MYH15: variants seen among roughly 807,000 people sequenced by gnomAD.
MYH15 encodes myosin-15.
In MYH15, 227 loss-of-function variants were observed where a neutral mutation model predicts 240.5. The ratio of observed to expected loss-of-function variants is 0.94; its 90% CI spans 0.85 to 1.05. The LOEUF is 1.05. Among genes scored for constraint, MYH15 ranks in the 50% least tolerant of loss-of-function variants. MYH15 has a pLI of 0.00. For synonymous variants in MYH15, 785 were observed against 796.7 expected, an observed-to-expected ratio of 0.99 and a Z score of 0.25; for missense variants, 2,217 against 2,247.5, an observed-to-expected ratio of 0.99 and a Z score of 0.27.
rs747747782 is a variant in MYH15, at chr3:108,485,167, T to G, written c.1038A>C (p.Gly346=). 13 of 1,613,988 alleles carry G rather than the reference T, an allele frequency of 8.1e-6. No individual in the cohort carries two copies. The African/African-American group carries it at 1.6e-4, about 20-fold the overall frequency. ...TCATATTTCCAAAGTGCATGATGGCTCCAGTGAGTTTATAGCATCCATACT... is the reference window on the plus strand; with the variant it reads ...TCATATTTCCAAAGTGCATGATGGCGCCAGTGAGTTTATAGCATCCATACT... The part of the protein sequence containing the change: ...DEKYGCYKLT[G]AIMHFGNMKF... Residue 346 remains glycine (G), a synonymous_variant, in exon 11 of 41, where the codon GGA becomes GGC. Coordinates refer to ENST00000693548, the MANE Select transcript of MYH15 (RefSeq NM_014981.3).
intron 29 of MYH15, among the ~76,000 whole-genome samples, chr3:108,414,682 A>C (rs4855563): frequency 0.21 from 32,419 of 152,102 alleles, 4,343 homozygotes; most frequent in Non-Finnish European, 0.3. Flanking sequence ...GTGGACTTAG[A>C]CAGGCCTGGA....
chr3:108,435,710 ATG>A (rs61639245), intron 25 of MYH15, among the ~76,000 whole-genome samples: 10 of 143,324 alleles, frequency 7.0e-5, no homozygotes, highest in African/African-American at 2.4e-4. Context: ...ATATATATAT[ATG>A]TATGTATACA....
At chr3:108,444,305 A>G (rs2082909151) in intron 22 of MYH15, among the ~76,000 whole-genome samples, 1 of 152,064 alleles carries the variant, frequency 6.6e-6, no homozygotes, top group Non-Finnish European at 1.5e-5. Context: ...TTTTCTTGGG[A>G]CCTACTAAAA....
At chr3:108,512,917 C>A (rs2083532239), upstream of MYH15, among the ~76,000 whole-genome samples, 1 of 152,084 alleles carries the variant, frequency 6.6e-6, no homozygotes, top group Non-Finnish European at 1.5e-5. Context: ...TAACTGAAGC[C>A]AAGAGAATGA....
At chr3:108,426,094 A>G (rs2082722459) in intron 27 of MYH15, among the ~76,000 whole-genome samples, 1 of 152,190 alleles carries the variant, frequency 6.6e-6, no homozygotes, top group Non-Finnish European at 1.5e-5. Flanking sequence ...TTAAAACAAA[A>G]TATGAAGAGA....
the MYH15 span, chr3:108,543,327 T>G: frequency 6.6e-6 from 1 of 152,234 alleles, no homozygotes; most frequent in Non-Finnish European, 1.5e-5. Context: ...TGTGCATGTA[T>G]TTTTTATAAC....
chr3:108,429,614 A>G (rs971007934), intron 26 of MYH15, among the ~76,000 whole-genome samples: 3 of 152,210 alleles, frequency 2.0e-5, no homozygotes, highest in African/African-American at 7.2e-5. Flanking sequence ...TTACAGTACA[A>G]TGAAGCCACT....
intron 15 of MYH15, 95 bp from the exon 16 acceptor site, chr3:108,463,338 A>G (rs2083087316): frequency 2.4e-5 from 32 of 1,309,228 alleles, no homozygotes; most frequent in Non-Finnish European, 3.3e-5. Flanking sequence ...TTTTTGAGAC[A>G]GGGTCTCATT....
intron 33 of MYH15, among the ~76,000 whole-genome samples, chr3:108,403,423 G>A (rs1052037548): frequency 2.6e-5 from 4 of 151,630 alleles, no homozygotes; most frequent in African/African-American, 9.7e-5. Flanking sequence ...ACCTGATCTT[G>A]CCCTCAGGCA....
At chr3:108,511,444 G>C (rs1398418671), upstream of MYH15, among the ~76,000 whole-genome samples, 1 of 152,168 alleles carries the variant, frequency 6.6e-6, no homozygotes, top group Non-Finnish European at 1.5e-5. Context: ...ATCAGTCTTA[G>C]AGGGACTAAG....
chr3:108,467,653 C>T (rs987271454), intron 14 of MYH15, among the ~76,000 whole-genome samples: 1 of 152,144 alleles, frequency 6.6e-6, no homozygotes, highest in African/African-American at 2.4e-5. Flanking sequence ...AGGGTGTTTA[C>T]ACCAAATGAA....
At chr3:108,464,615 C>T (rs769057875) in intron 15 of MYH15, 23 bp downstream of exon 15, 2 of 1,573,990 alleles carry the variant, frequency 1.3e-6, no homozygotes, top group South Asian at 1.2e-5. Flanking sequence ...AAATTCAAGA[C>T]CGGGGGTCCA....
chr3:108,518,792 A>G (rs1431315663), intron 1 of MYH15, among the ~76,000 whole-genome samples: 1 of 152,204 alleles, frequency 6.6e-6, no homozygotes, highest in Non-Finnish European at 1.5e-5. Flanking sequence ...TTCTACAAGA[A>G]GGTATTCTCT....
chr3:108,482,332 CAA>C (rs2083273703), intron 11 of MYH15, among the ~76,000 whole-genome samples: 1 of 152,064 alleles, frequency 6.6e-6, no homozygotes, highest in African/African-American at 2.4e-5. Flanking sequence ...AGGAAAGATT[CAA>C]GGCTGGAGCC....
upstream of MYH15, among the ~76,000 whole-genome samples, chr3:108,532,223 G>A (rs2083716166): frequency 6.6e-6 from 1 of 152,108 alleles, no homozygotes; most frequent in Non-Finnish European, 1.5e-5. Context: ...TATTCTCGGT[G>A]TGTCTGTGAG....
chr3:108,533,865 C>A (rs1319477858), upstream of MYH15, among the ~76,000 whole-genome samples: 2 of 152,198 alleles, frequency 1.3e-5, no homozygotes, highest in East Asian at 3.9e-4. Context: ...TGCTACCCTG[C>A]CTTCCCCTGC....
In MYH15 at chr3:108,510,505, G is replaced by C; in HGVS notation, c.26C>G (p.Ala9Gly). The change falls in exon 1 of 41, where the codon GCC becomes GGC. Residue 9 changes from alanine (A) to glycine (G), a missense_variant. Physicochemically the swap from Ala to Gly is moderately conservative, Grantham distance 60. Coordinates refer to ENST00000693548, the MANE Select transcript of MYH15 (RefSeq NM_014981.3). ...TTCACTTCTTCTGAGGAAGGCTGCG[G>C]CTTCTCCAAGGTCTGACAGATCCAT... MDLSDLGE[A>G]AAFLRRSEAE... The C allele has an allele frequency of 6.2e-7, 1 of 1,613,400 alleles. No individual in the cohort carries two copies. Among genetic ancestry groups the C allele is most frequent in the Non-Finnish European group, 8.5e-7 (1 of 1,179,656 alleles).
At chr3:108,515,876 C>T (rs1576279085) in intron 1 of MYH15, among the ~76,000 whole-genome samples, 1 of 152,170 alleles carries the variant, frequency 6.6e-6, no homozygotes, top group African/African-American at 2.4e-5. Context: ...ATAGTGGCAG[C>T]TACTAGCTGA....
chr3:108,498,647 A>C (rs939562822), intron 5 of MYH15, among the ~76,000 whole-genome samples: 3 of 152,200 alleles, frequency 2.0e-5, no homozygotes, highest in Non-Finnish European at 4.4e-5. Flanking sequence ...TAGCCTCCTC[A>C]ATGTAAGCAT....
Sources: gnomAD v4.1 joint callset for allele counts (sites outside exome capture counted in the v4.1 genomes callset) on GRCh38, gnomAD v4.1.1 for gene constraint, MANE v1.5 for transcripts, NCBI Gene and HGNC (gene_info 2026-07-23, HGNC 2026-07-21) for gene names.